The following NDRG1 variants were observed in gnomAD, a reference collection of about 807,000 sequenced individuals.
NDRG1 encodes protein NDRG1.
NDRG1 carries 32 observed loss-of-function variants against 56.9 expected under a neutral mutation model. The ratio of observed to expected loss-of-function variants is 0.56; its 90% CI spans 0.42 to 0.76. NDRG1 has a LOEUF of 0.76. Ranked by LOEUF, NDRG1 falls within the 30% of genes least tolerant of loss-of-function variation. NDRG1 has a pLI of 0.00. For missense variants in NDRG1, 507 were observed against 545.7 expected (o/e 0.93, Z 0.71); for synonymous variants, 211 against 204.1 (o/e 1.03, Z -0.29).
chr8:133,243,915 C>T lies in NDRG1; in HGVS notation c.891+440G>A, dbSNP rs1422037360. Among the ~76,000 whole-genome samples, 20 of 151,914 alleles carry T rather than the reference C, an allele frequency of 1.3e-4. No homozygotes were observed. The East Asian group carries it at 3.5e-3, about 27-fold the overall frequency. On this transcript the variant is annotated intron_variant, in intron 14 of 15. Coordinates refer to ENST00000323851, the MANE Select transcript of NDRG1 (RefSeq NM_006096.4). ...ATTTGTACATGTGCACACACATTTA[C>T]ACATGCACACAGACATGTGTACACA...
chr8:133,246,848 C>A (rs1312697249), intron 12 of NDRG1, among the ~76,000 whole-genome samples, 185 bp from the exon 13 acceptor site: 1 of 152,238 alleles, frequency 6.6e-6, no homozygotes, highest in Non-Finnish European at 1.5e-5. Flanking sequence ...CCATTACCAG[C>A]TGTGACAACT....
chr8:133,289,252 T>C (rs1407388740), intron 1 of NDRG1, among the ~76,000 whole-genome samples: 1 of 152,040 alleles, frequency 6.6e-6, no homozygotes, highest in Non-Finnish European at 1.5e-5. Context: ...TGTCTGTCAA[T>C]GGGCATGCTA....
At chr8:133,281,263 A>G (rs1857784680) in intron 2 of NDRG1, among the ~76,000 whole-genome samples, 1 of 151,964 alleles carries the variant, frequency 6.6e-6, no homozygotes, top group African/African-American at 2.4e-5. Flanking sequence ...AGGCTAAGGC[A>G]GGAGAATTCC....
rs1060400 is a variant in NDRG1, at chr8:133,258,211, C to T, written c.450+155G>A. On this transcript the variant is annotated intron_variant, in intron 7 of 15. Transcript: ENST00000323851. ...AAAAGGCTGTGAGTATATATATATA[C>T]GAGTACCCATGCACCACACACACAC... 4.8e-3 allele frequency among the ~76,000 whole-genome samples: 725 copies of T among 150,716 alleles called. 1 individual carries two copies. Among genetic ancestry groups the T allele is most frequent in the African/African-American group, 0.017 (694 of 40,930 alleles).
In NDRG1 at chr8:133,276,226, C is replaced by T. The variant is rs140053069; in HGVS notation, c.99+4006G>A. Among the ~76,000 whole-genome samples, 4 of 152,300 alleles carry T rather than the reference C, an allele frequency of 2.6e-5. No homozygotes were observed. The East Asian group carries it at 5.8e-4, about 22-fold the overall frequency. On this transcript the variant is annotated intron_variant, in intron 3 of 15. Transcript: ENST00000323851. The stretch of plus-strand genomic sequence containing the variant: ...GCGCCTTAGCCGACCCCAGCCTGAG[C>T]CACATAGGTTGACCTTCCCTGGGAG...
In NDRG1 at chr8:133,237,659, C is replaced by T. The variant is rs1855130148; in HGVS notation, c.*1219G>A. On this transcript the variant is annotated 3_prime_UTR_variant, in exon 16 of 16. Coordinates refer to ENST00000323851, the MANE Select transcript of NDRG1 (RefSeq NM_006096.4). ...TGGAATATGTATTCCAGAATCCTTA[C>T]ATTTTCTCAGCCACCGCTCCCCACG... 1 of 233,182 alleles carries T rather than the reference C, an allele frequency of 4.3e-6. No individual in the cohort carries two copies. Among genetic ancestry groups the T allele is most frequent in the African/African-American group, 2.2e-5 (1 of 45,464 alleles). 14.4% of individuals were successfully genotyped at this position (233,182 alleles called of 1,614,324 possible).
At position 133,239,209 on chromosome 8, in the gene NDRG1, C is replaced by T. The variant is rs11575974; in HGVS notation, c.944-90G>A. 65 of 1,531,874 alleles carry T rather than the reference C, an allele frequency of 4.2e-5. No individual in the cohort carries two copies. In the African/African-American group the frequency reaches 4.8e-4, roughly 11 times the overall value. 94.9% of individuals were successfully genotyped at this position (1,531,874 alleles called of 1,614,324 possible). On this transcript the variant is annotated intron_variant, in intron 15 of 15. Transcript: ENST00000323851. ...CGTCCACCAGCCACATGCTCTTCTA[C>T]GTGCCAGCCCCAGAGAAGACTTGAT...
intron 8 of NDRG1, 58 bp downstream of exon 8, chr8:133,256,719 T>G: frequency 6.5e-7 from 1 of 1,532,974 alleles, no homozygotes; most frequent in Non-Finnish European, 9.0e-7. Flanking sequence ...GCAGAGGCTG[T>G]GTGCACCTGT....
chr8:133,284,183 G>C, intron 2 of NDRG1, 66 bp downstream of exon 2: 4 of 1,461,316 alleles, frequency 2.7e-6, no homozygotes, highest in Non-Finnish European at 3.8e-6. Flanking sequence ...GTGAGCTCCG[G>C]TGTGCCTGTG....
At chr8:133,241,952 G>T in intron 15 of NDRG1, 71 bp downstream of exon 15, 1 of 1,568,290 alleles carries the variant, frequency 6.4e-7, no homozygotes, top group Non-Finnish European at 8.8e-7. Context: ...ATCCAAACCT[G>T]GCTCAGGACA....
chr8:133,265,354 C>T (rs2130745570), intron 3 of NDRG1, among the ~76,000 whole-genome samples: 2 of 152,268 alleles, frequency 1.3e-5, no homozygotes, highest in Middle Eastern at 3.4e-3. Context: ...CACATTGTCA[C>T]CGTGAGGCAA....
intron 1 of NDRG1, among the ~76,000 whole-genome samples, chr8:133,287,655 C>T (rs1449734828): frequency 1.3e-5 from 2 of 152,198 alleles, no homozygotes; most frequent in Non-Finnish European, 2.9e-5. Flanking sequence ...CAGAGATCCT[C>T]AGCTCAGCAC....
intron 8 of NDRG1, chr8:133,254,925 G>T: frequency 2.6e-6 from 1 of 384,690 alleles, no homozygotes; most frequent in Non-Finnish European, 4.9e-6. Flanking sequence ...AGCAAAGAGG[G>T]CCATCCATTC....
intron 9 of NDRG1, among the ~76,000 whole-genome samples, chr8:133,251,838 C>T (rs1012590156): frequency 3.9e-5 from 6 of 152,096 alleles, no homozygotes; most frequent in African/African-American, 1.2e-4. Context: ...TTACATGAGC[C>T]GGGATGAAAT....
At position 133,259,243 on chromosome 8, in the gene NDRG1, C is replaced by A; in HGVS notation, c.327-13G>T. 4 of 1,613,964 alleles carry A rather than the reference C, an allele frequency of 2.5e-6. No individual in the cohort carries two copies. In the South Asian group the frequency reaches 3.3e-5, roughly 13 times the overall value. ...GGGGTACATGTACCTGGGGATGACA[C>A]AGAGAAGCCATTAGTGAGCGCCCGG... is the stretch of plus-strand genomic sequence containing the variant. On this transcript the variant is annotated splice_polypyrimidine_tract_variant and intron_variant, in intron 5 of 15. Transcript: ENST00000323851.
At chr8:133,263,091 C>T (rs768384420) in intron 4 of NDRG1, among the ~76,000 whole-genome samples, 4 of 152,280 alleles carry the variant, frequency 2.6e-5, no homozygotes, top group South Asian at 4.1e-4. Context: ...TGAGCCTCTC[C>T]GAATGGGGAG....
chr8:133,268,121 T>C (rs1405718041), intron 3 of NDRG1, among the ~76,000 whole-genome samples: 1 of 152,008 alleles, frequency 6.6e-6, no homozygotes, highest in Non-Finnish European at 1.5e-5. Context: ...TCACTTTCTG[T>C]CCACAGGCCT....
In NDRG1 at chr8:133,238,019, CA is replaced by C; in HGVS notation, c.*858del. ...GCCCTCCATTCTAAGGAATGCAAAA[CA>C]AATCTAAATGATCTTCTCCCTGAAC... On this transcript the variant is annotated 3_prime_UTR_variant, in exon 16 of 16. Coordinates refer to ENST00000323851, the MANE Select transcript of NDRG1 (RefSeq NM_006096.4). 4.3e-6 allele frequency: 1 copy of C among 233,122 alleles called. No individual in the cohort carries two copies. Among genetic ancestry groups the C allele is most frequent in the East Asian group, 6.0e-5 (1 of 16,580 alleles). 14.4% of individuals were successfully genotyped at this position (233,122 alleles called of 1,614,324 possible).
intron 13 of NDRG1, among the ~76,000 whole-genome samples, chr8:133,245,359 C>T (rs1855614097): frequency 6.6e-6 from 1 of 152,150 alleles, no homozygotes; most frequent in Admixed American, 6.5e-5. Context: ...AGTCCTAACC[C>T]CAGTACCTAT....
Sources: allele counts gnomAD v4.1 joint callset (sites outside exome capture counted in the v4.1 genomes callset), GRCh38; gene constraint gnomAD v4.1.1; transcripts MANE v1.5; gene names NCBI Gene and HGNC (gene_info 2026-07-23, HGNC 2026-07-21).